PRIM2: variants seen among roughly 807,000 people sequenced by gnomAD.
PRIM2 encodes the protein DNA primase subunit 2, also known as DNA primase large subunit.
PRIM2 carries 39 observed loss-of-function variants against 67.3 expected under a neutral mutation model. That is an observed-to-expected ratio of 0.58 (90% confidence interval 0.45 to 0.76). PRIM2 has a LOEUF of 0.76. Among genes scored for constraint, PRIM2 ranks in the 30% least tolerant of loss-of-function variants. The pLI is 0.00. For synonymous variants in PRIM2, 143 were observed against 198.7 expected (o/e 0.72, Z 2.36); for missense variants, 398 against 598.7 (o/e 0.66, Z 3.50).
At chr6:57,406,368 A>T (rs1202139539) in intron 7 of PRIM2, among the ~76,000 whole-genome samples, 1 of 152,150 alleles carries the variant, frequency 6.6e-6, no homozygotes, top group African/African-American at 2.4e-5. Context: ...TTAATTGCAC[A>T]TATACGTTTA....
intron 7 of PRIM2, among the ~76,000 whole-genome samples, chr6:57,475,730 A>G (rs1416547451): frequency 6.6e-6 from 1 of 152,252 alleles, no homozygotes; most frequent in South Asian, 2.1e-4. Context: ...TAGCTAGACT[A>G]TGGGTAAAAT....
At chr6:57,517,818 C>G (rs1774518821) in intron 8 of PRIM2, among the ~76,000 whole-genome samples, 1 of 151,994 alleles carries the variant, frequency 6.6e-6, no homozygotes, top group Non-Finnish European at 1.5e-5. Context: ...AATGAGCTGT[C>G]CACCTGTGCA....
chr6:57,598,839 C>A (rs1402336168), intron 10 of PRIM2, among the ~76,000 whole-genome samples: 1 of 145,620 alleles, frequency 6.9e-6, no homozygotes, highest in Admixed American at 7.0e-5. Context: ...GTTGTGGTAA[C>A]CTCCCACTTG....
chr6:57,646,178 TC>T lies in PRIM2; in HGVS notation c.*22del. ...TCTTAGGCAGTTTTATAACCCTTTT[TC>T]CTCAATAGCCTGTTTCCTGTTTTTA... On this transcript the variant is annotated 3_prime_UTR_variant, in exon 14 of 14. Transcript: ENST00000615550. 1 of 1,489,624 alleles carries T rather than the reference TC, an allele frequency of 6.7e-7. No individual in the cohort carries two copies. Among genetic ancestry groups the T allele is most frequent in the South Asian group, 1.1e-5 (1 of 87,250 alleles). 92.3% of individuals were successfully genotyped at this position (1,489,624 alleles called of 1,614,324 possible).
chr6:57,302,523 T>G, the PRIM2 span, among the ~76,000 whole-genome samples: 1 of 152,210 alleles, frequency 6.6e-6, no homozygotes, highest in Non-Finnish European at 1.5e-5. Flanking sequence ...ATATATAAAA[T>G]GTCATCACTA....
intron 7 of PRIM2, among the ~76,000 whole-genome samples, chr6:57,455,732 C>A (rs1441438209): frequency 6.6e-6 from 1 of 152,164 alleles, no homozygotes; most frequent in East Asian, 1.9e-4. Context: ...GGTCTTGACT[C>A]TTTATCCAAT....
At chr6:57,587,112 C>G (rs1455966798) in intron 10 of PRIM2, 1 of 152,192 alleles carries the variant, frequency 6.6e-6, no homozygotes, top group African/African-American at 2.4e-5. Flanking sequence ...CGTCTAGAAA[C>G]TTTGTGGTCT....
chr6:57,597,282 T>G (rs1284490048), intron 10 of PRIM2, among the ~76,000 whole-genome samples: 1 of 151,850 alleles, frequency 6.6e-6, no homozygotes, highest in Non-Finnish European at 1.5e-5. Flanking sequence ...TTGAGCCAGT[T>G]TGTATGAATA....
At chr6:57,329,446 T>A (rs1767979598) in intron 5 of PRIM2, among the ~76,000 whole-genome samples, 1 of 152,166 alleles carries the variant, frequency 6.6e-6, no homozygotes, top group Non-Finnish European at 1.5e-5. Flanking sequence ...GTCAGTTGAC[T>A]GTTGATATGG....
rs1280886865 is a variant in PRIM2, at chr6:57,452,558, GT to G, written c.694-54828del. Among the ~76,000 whole-genome samples, 63 of 152,298 alleles carry G rather than the reference GT, an allele frequency of 4.1e-4. 1 individual carries two copies. Among genetic ancestry groups the G allele is most frequent in the African/African-American group, 1.1e-3 (46 of 41,574 alleles). On this transcript the variant is annotated intron_variant, in intron 7 of 13. Coordinates refer to ENST00000615550, the MANE Select transcript of PRIM2 (RefSeq NM_000947.5). ...AGTGATGATGAGCGTTTTTTCATGT[GT>G]CTTTTGGCTGCATAAATGTCTTCTT...
At chr6:57,559,407 C>T (rs1775584754) in intron 10 of PRIM2, among the ~76,000 whole-genome samples, 1 of 152,066 alleles carries the variant, frequency 6.6e-6, no homozygotes, top group East Asian at 1.9e-4. Context: ...TTTGGCTTTA[C>T]CTTGTACTTC....
intron 7 of PRIM2, among the ~76,000 whole-genome samples, chr6:57,449,923 A>T (rs1581915451): frequency 6.6e-6 from 1 of 152,186 alleles, no homozygotes; most frequent in African/African-American, 2.4e-5. Context: ...AGTAAAATTC[A>T]GACTGTGTCA....
the PRIM2 span, among the ~76,000 whole-genome samples, chr6:57,274,033 C>T: frequency 6.6e-6 from 1 of 152,200 alleles, no homozygotes; most frequent in African/African-American, 2.4e-5. Context: ...GTCAGTCCGC[C>T]CCTACTGGGG....
intron 7 of PRIM2, among the ~76,000 whole-genome samples, chr6:57,446,418 C>T (rs377685061): frequency 1.8e-3 from 151 of 83,702 alleles, no homozygotes; most frequent in South Asian, 2.3e-3. Context: ...CACGCCACTT[C>T]TTTTTTTTTT....
chr6:57,360,767 CT>C (rs1769168678), intron 5 of PRIM2, among the ~76,000 whole-genome samples: 1 of 152,182 alleles, frequency 6.6e-6, no homozygotes, highest in African/African-American at 2.4e-5. Context: ...CCCAAGGCTG[CT>C]CTTATTTCTC....
At chr6:57,228,604 T>TG in the PRIM2 span, among the ~76,000 whole-genome samples, 2 of 152,192 alleles carry the variant, frequency 1.3e-5, no homozygotes, top group Non-Finnish European at 2.9e-5. Context: ...AGGCACTTTG[T>TG]GGGGTATGGG....
At chr6:57,414,515 A>G (rs544141143) in intron 7 of PRIM2, among the ~76,000 whole-genome samples, 1 of 152,290 alleles carries the variant, frequency 6.6e-6, no homozygotes, top group South Asian at 2.1e-4. Flanking sequence ...TTATGGTGAC[A>G]ACTTGTTAAT....
At chr6:57,431,565 C>CTGAT (rs1771828768) in intron 7 of PRIM2, among the ~76,000 whole-genome samples, 1 of 151,984 alleles carries the variant, frequency 6.6e-6, no homozygotes. Flanking sequence ...AGAGGATTGC[C>CTGAT]TTAGCCCAGG....
intron 5 of PRIM2, among the ~76,000 whole-genome samples, chr6:57,330,285 A>G (rs1164488012): frequency 1.3e-5 from 2 of 148,590 alleles, no homozygotes; most frequent in African/African-American, 4.9e-5. Flanking sequence ...GTTCATTGCT[A>G]GTATATAAAA....
Sources: allele counts gnomAD v4.1 joint callset (sites outside exome capture counted in the v4.1 genomes callset), GRCh38; gene constraint gnomAD v4.1.1; transcripts MANE v1.5; gene names NCBI Gene and HGNC (gene_info 2026-07-23, HGNC 2026-07-21).